CLCNKB: variants seen among roughly 807,000 people sequenced by gnomAD.
CLCNKB encodes chloride channel protein ClC-Kb.
In CLCNKB, 74 loss-of-function variants were observed where a neutral mutation model predicts 83.8. The ratio of observed to expected loss-of-function variants is 0.88; its 90% CI spans 0.73 to 1.07. The LOEUF (loss-of-function observed/expected upper bound fraction) is 1.07. CLCNKB is among the 50% of genes least tolerant of loss of function. CLCNKB has a pLI of 0.00. For missense variants in CLCNKB, 798 were observed against 893.6 expected, an observed-to-expected ratio of 0.89 and a Z score of 1.36; for synonymous variants, 358 against 356.6, an observed-to-expected ratio of 1.00 and a Z score of -0.04.
chr1:16,047,541 G>A (rs1288796599), intron 4 of CLCNKB, among the ~76,000 whole-genome samples: 4 of 152,096 alleles, frequency 2.6e-5, no homozygotes, highest in Non-Finnish European at 4.4e-5. Flanking sequence ...TTTGGGAGGC[G>A]GAAGTGGACA....
chr1:16,052,324 C>T lies in CLCNKB; in HGVS notation c.1535C>T (p.Ala512Val), dbSNP rs751602825. 2.5e-6 allele frequency: 4 copies of T among 1,613,064 alleles called. No homozygotes were observed. Among genetic ancestry groups the T allele is most frequent in the Admixed American group, 3.3e-5 (2 of 60,014 alleles). The change falls in exon 15 of 20, where the codon GCA becomes GTA. Residue 512 changes from alanine to valine, a missense_variant. Physicochemically the swap from Ala to Val is moderately conservative, Grantham distance 64 (BLOSUM62 0). Transcript: ENST00000375679. ...LMAVLAANAI[A>V]QSCQPSFYDG... is the part of the protein sequence containing the mutation. ...GCGGTGCTGGCAGCCAACGCCATTGCACAGAGCTGCCAGCCCTCCTTCTAT... is the reference window on the plus strand; with the variant it reads ...GCGGTGCTGGCAGCCAACGCCATTGTACAGAGCTGCCAGCCCTCCTTCTAT...
At position 16,051,833 on chromosome 1, in the gene CLCNKB, G is replaced by T. The variant is rs375029488; in HGVS notation, c.1408+13G>T. On this transcript the variant is annotated intron_variant, in intron 14 of 19. Coordinates refer to ENST00000375679, the MANE Select transcript of CLCNKB (RefSeq NM_000085.5). ...TATGCTCTGGCAGGTGAGTGGGTCA[G>T]GGGCCTGCTGCGTGGGCAATGTCGT... is the stretch of plus-strand genomic sequence containing the variant. The T allele has an allele frequency of 9.4e-6, 15 of 1,596,842 alleles. No homozygotes were observed. Among genetic ancestry groups the T allele is most frequent in the East Asian group, 4.5e-5 (2 of 44,818 alleles).
chr1:16,044,413 C>T (rs1355989911), intron 1 of CLCNKB, 73 bp from the exon 2 acceptor site: 1 of 1,219,864 alleles, frequency 8.2e-7, no homozygotes, highest in South Asian at 1.3e-5. Flanking sequence ...GGGGAGAGCA[C>T]TGGAAGGGCC....
rs542862775 is a variant in CLCNKB, at chr1:16,056,521, C to T, written c.2016+13C>T. 1.7e-5 allele frequency: 23 copies of T among 1,322,114 alleles called. No individual in the cohort carries two copies. Among genetic ancestry groups the T allele is most frequent in the African/African-American group, 1.3e-4 (8 of 61,456 alleles). 81.9% of individuals were successfully genotyped at this position (1,322,114 alleles called of 1,614,324 possible). A position where few individuals can be genotyped will look rare whatever the true frequency, so the allele number is the denominator to read the frequency against. ...GTCCTGGGTGGAGGTACCAGGGTCC[C>T]GGGGGCAGAGCAAAGCAGGGAACCT... On this transcript the variant is annotated intron_variant, in intron 19 of 19. Coordinates refer to ENST00000375679, the MANE Select transcript of CLCNKB (RefSeq NM_000085.5).
chr1:16,046,469 C>G, intron 3 of CLCNKB, 66 bp from the exon 4 acceptor site: 2 of 1,606,100 alleles, frequency 1.2e-6, no homozygotes, highest in Non-Finnish European at 1.7e-6. Context: ...TAAGTGGGCA[C>G]CACAGCGTCT....
chr1:16,048,910 G>T (rs180938125), intron 7 of CLCNKB: 12 of 1,451,428 alleles, frequency 8.3e-6, no homozygotes, highest in Admixed American at 2.7e-5. Flanking sequence ...GCGAGAGGGC[G>T]CACACCCGCA....
chr1:16,050,089 C>T (rs866503729), intron 10 of CLCNKB, among the ~76,000 whole-genome samples, 173 bp downstream of exon 10: 9 of 52,074 alleles, frequency 1.7e-4, no homozygotes, highest in Non-Finnish European at 1.1e-4. Flanking sequence ...CACTGCCCGA[C>T]TACCTTACTG....
Position 16,050,980 on chromosome 1 carries a change from C to G in CLCNKB, c.1159C>G (p.Leu387Val). The G allele has an allele frequency of 6.2e-7, 1 of 1,614,038 alleles. No individual in the cohort carries two copies. The highest frequency in any genetic ancestry group is 8.5e-7 in the Non-Finnish European group (1 of 1,180,000). The change falls in exon 12 of 20, where the codon CTG becomes GTG. Residue 387 changes from leucine (L) to valine (V), a missense_variant. Coordinates refer to ENST00000375679, the MANE Select transcript of CLCNKB (RefSeq NM_000085.5). Reference sequence around the variant, plus strand: ...GCCCGAGGAGCTCGACCCCCAGCACCTGTGGTGGGAATGGTACCACCCGCG... The same window carrying G: ...GCCCGAGGAGCTCGACCCCCAGCACGTGTGGTGGGAATGGTACCACCCGCG... ...PWPEELDPQH[L>V]WWEWYHPRFT... is the part of the protein sequence containing the mutation.
At chr1:16,048,820 G>A in intron 7 of CLCNKB, 1 of 1,443,344 alleles carries the variant, frequency 6.9e-7, no homozygotes, top group Admixed American at 2.8e-5. Flanking sequence ...TGAAATCCAC[G>A]TATGACCCTG....
intron 2 of CLCNKB, among the ~76,000 whole-genome samples, chr1:16,045,176 G>T (rs7368136): frequency 6.6e-6 from 1 of 152,088 alleles, no homozygotes; most frequent in East Asian, 1.9e-4. Context: ...CCTGGGACAC[G>T]CAGGAGTCTG....
Position 16,050,524 on chromosome 1 carries a change from T to C in CLCNKB, c.977T>C (p.Val326Ala). Residue 326 changes from valine to alanine, a missense_variant, in exon 11 of 20, where the codon GTG (valine) becomes GCG (alanine). Physicochemically the swap from Val to Ala is moderately conservative, Grantham distance 64. Coordinates refer to ENST00000375679, the MANE Select transcript of CLCNKB (RefSeq NM_000085.5). ...CCACCCATCCCCCACAGCAAGCCTG[T>C]GTACTCCGCTCTGGCCACCTTGGTT... ...SSKLLATSKP[V>A]YSALATLVLA... The C allele has an allele frequency of 6.2e-7, 1 of 1,613,998 alleles. No individual in the cohort carries two copies. The highest frequency in any genetic ancestry group is 8.5e-7 in the Non-Finnish European group (1 of 1,179,974).
chr1:16,056,272 G>A (rs2023435734), intron 18 of CLCNKB, 150 bp from the exon 19 acceptor site: 1 of 847,244 alleles, frequency 1.2e-6, no homozygotes, highest in Non-Finnish European at 2.0e-6. Flanking sequence ...ATCCCCCAGT[G>A]GCCACATTGG....
chr1:16,047,445 G>GAAACAAAC (rs34324462), intron 4 of CLCNKB, among the ~76,000 whole-genome samples: 5,603 of 150,438 alleles, frequency 0.037, 383 homozygotes, highest in African/African-American at 0.13. Flanking sequence ...ACCCCTGTCT[G>GAAACAAAC]AAACAAACAA....
intron 16 of CLCNKB, among the ~76,000 whole-genome samples, chr1:16,054,340 C>G (rs2023382233): frequency 6.6e-6 from 1 of 152,304 alleles, no homozygotes; most frequent in East Asian, 1.9e-4. Flanking sequence ...GCAAGTGAGA[C>G]AAGCTGCACA....
rs898407043 is a variant in CLCNKB at position 16,055,630 on chromosome 1, C to T, written c.1846-45C>T. The T allele has an allele frequency of 3.7e-6, 6 of 1,606,238 alleles. No homozygotes were observed. In the Admixed American group the frequency reaches 5.0e-5, roughly 13 times the overall value. ...GGGAGAGGTGGTCAGAGAGAGGCATCCTGGGGAGGCCAGCCCTGCACCTGT... is the reference window on the plus strand; with the variant it reads ...GGGAGAGGTGGTCAGAGAGAGGCATTCTGGGGAGGCCAGCCCTGCACCTGT... On this transcript the variant is annotated intron_variant, in intron 17 of 19. Coordinates refer to ENST00000375679, the MANE Select transcript of CLCNKB (RefSeq NM_000085.5).
chr1:16,051,640 G>C (rs545792913), intron 13 of CLCNKB, 70 bp from the exon 14 acceptor site: 67 of 1,596,846 alleles, frequency 4.2e-5, no homozygotes, highest in Non-Finnish European at 5.6e-5. Flanking sequence ...TACTGAGGAC[G>C]GTCCTCAGGG....
chr1:16,050,189 G>A (rs183422709), intron 10 of CLCNKB, among the ~76,000 whole-genome samples: 1 of 132,066 alleles, frequency 7.6e-6, no homozygotes, highest in African/African-American at 3.0e-5. Flanking sequence ...TTAACCCCCT[G>A]TTGGTCCCTC....
chr1:16,048,833 CCGT>C, intron 7 of CLCNKB: 4 of 1,442,004 alleles, frequency 2.8e-6, no homozygotes, highest in Non-Finnish European at 3.6e-6. Flanking sequence ...TGACCCTGGC[CCGT>C]TGGCCTCTCT....
intron 16 of CLCNKB, among the ~76,000 whole-genome samples, chr1:16,054,316 A>G (rs1161739595): frequency 6.6e-6 from 1 of 152,172 alleles, no homozygotes; most frequent in Non-Finnish European, 1.5e-5. Flanking sequence ...CTGTCAGCCC[A>G]TGTGTCCCCC....
Sources: allele counts gnomAD v4.1 joint callset (sites outside exome capture counted in the v4.1 genomes callset), GRCh38; gene constraint gnomAD v4.1.1; transcripts MANE v1.5; gene names NCBI Gene and HGNC (gene_info 2026-07-23, HGNC 2026-07-21).